Variants in CSGALNACT1 observed in about 807,000 individuals in gnomAD.
CSGALNACT1 encodes beta4GalNAcT-1.
A neutral mutation model predicts 51.0 loss-of-function variants in CSGALNACT1; 52 were observed. The ratio of observed to expected loss-of-function variants is 1.02; its 90% CI spans 0.82 to 1.29. The LOEUF is 1.29. Ranked by LOEUF, CSGALNACT1 falls within the 50% of genes most tolerant of loss-of-function variation. CSGALNACT1 has a pLI of 0.00. For missense variants in CSGALNACT1, 935 were observed against 679.2 expected (o/e 1.38, Z -4.19); for synonymous variants, 341 against 254.4 (o/e 1.34, Z -3.24).
chr8:19,477,330 C>G lies in CSGALNACT1; in HGVS notation c.635-18688G>C, dbSNP rs1025839505. Among the ~76,000 whole-genome samples the G allele has an allele frequency of 2.6e-5, 4 of 152,278 alleles. No homozygotes were observed. In the East Asian group the frequency reaches 7.7e-4, roughly 29 times the overall value. ...TCCTCAGAAAAAAGTTCTGGGTCCA[C>G]TAAACACGTGGACAAATGGGTGGCT... On this transcript the variant is annotated intron_variant, in intron 4 of 9. Transcript: ENST00000454498.
chr8:19,497,107 T>C (rs2075626447), intron 4 of CSGALNACT1, among the ~76,000 whole-genome samples: 1 of 152,008 alleles, frequency 6.6e-6, no homozygotes, highest in Admixed American at 6.6e-5. Flanking sequence ...GACAGGAAAA[T>C]ACCCTAAGAC....
intron 6 of CSGALNACT1, among the ~76,000 whole-genome samples, chr8:19,421,310 G>C (rs780002265): frequency 1.3e-5 from 2 of 152,236 alleles, no homozygotes; most frequent in African/African-American, 2.4e-5. Context: ...GCCCCAGGCA[G>C]TGAAGCCAGG....
At chr8:19,492,279 G>A (rs1456653036) in intron 4 of CSGALNACT1, among the ~76,000 whole-genome samples, 1 of 152,180 alleles carries the variant, frequency 6.6e-6, no homozygotes, top group Non-Finnish European at 1.5e-5. Context: ...CTGGGACATA[G>A]TAGACATTTG....
intron 1 of CSGALNACT1, among the ~76,000 whole-genome samples, chr8:19,729,505 A>G (rs1340867056): frequency 1.3e-5 from 2 of 152,216 alleles, no homozygotes; most frequent in Non-Finnish European, 2.9e-5. Context: ...GTATTCAAAC[A>G]CAGACCGGAC....
At chr8:19,472,838 A>G (rs561373372) in intron 4 of CSGALNACT1, among the ~76,000 whole-genome samples, 14 of 152,336 alleles carry the variant, frequency 9.2e-5, no homozygotes, top group African/African-American at 3.4e-4. Context: ...ATTGATATCA[A>G]TTTCTTTATA....
At chr8:19,634,787 C>T (rs1034357374) in intron 1 of CSGALNACT1, among the ~76,000 whole-genome samples, 14 of 152,336 alleles carry the variant, frequency 9.2e-5, no homozygotes, top group South Asian at 2.1e-4. Flanking sequence ...AAGTGGCGCA[C>T]GCCTTCATCT....
upstream of CSGALNACT1, among the ~76,000 whole-genome samples, chr8:19,603,047 T>TACACACACACACACACAC (rs5889877): frequency 1.6e-5 from 2 of 123,126 alleles, no homozygotes; most frequent in African/African-American, 6.2e-5. Context: ...ACTGTGTGTA[T>TACACACACACACACACAC]ACACACACAC....
At chr8:19,459,307 C>T (rs1168605799) in intron 4 of CSGALNACT1, among the ~76,000 whole-genome samples, 2 of 141,914 alleles carry the variant, frequency 1.4e-5, no homozygotes, top group East Asian at 2.2e-4. Context: ...CGCTTGAACT[C>T]GGGAGGCAGA....
chr8:19,404,781 T>G (rs537338293), exon 10 of CSGALNACT1: 1 of 454,560 alleles, frequency 2.2e-6, no homozygotes, highest in East Asian at 6.9e-5. Context: ...GACTTTTAGG[T>G]ACATCACGAT....
At chr8:19,637,824 A>G (rs1407472878) in intron 1 of CSGALNACT1, among the ~76,000 whole-genome samples, 1 of 150,408 alleles carries the variant, frequency 6.6e-6, no homozygotes, top group African/African-American at 2.5e-5. Flanking sequence ...AATGTTCTCG[A>G]AATCAGCCTG....
intron 4 of CSGALNACT1, among the ~76,000 whole-genome samples, chr8:19,468,220 C>T (rs955463293): frequency 2.0e-5 from 3 of 152,014 alleles, no homozygotes; most frequent in African/African-American, 7.3e-5. Context: ...TTGGCCAAGA[C>T]AACAACATCA....
At chr8:19,583,924 G>A (rs1437666726) in intron 3 of CSGALNACT1, among the ~76,000 whole-genome samples, 1 of 152,164 alleles carries the variant, frequency 6.6e-6, no homozygotes, top group Non-Finnish European at 1.5e-5. Context: ...GCTGAATACT[G>A]ACAGCCATCA....
chr8:19,656,938 T>C (rs1339795316), intron 1 of CSGALNACT1, among the ~76,000 whole-genome samples: 1 of 151,808 alleles, frequency 6.6e-6, no homozygotes, highest in East Asian at 1.9e-4. Context: ...TGGTGGCACA[T>C]GCCTGTAGTC....
At chr8:19,690,194 C>T (rs2154214716) in intron 1 of CSGALNACT1, among the ~76,000 whole-genome samples, 1 of 152,284 alleles carries the variant, frequency 6.6e-6, no homozygotes, top group African/African-American at 2.4e-5. Context: ...ACAATTAATA[C>T]ATGAATACTT....
chr8:19,424,026 G>A (rs1328505049), intron 6 of CSGALNACT1, among the ~76,000 whole-genome samples: 4 of 152,258 alleles, frequency 2.6e-5, no homozygotes, highest in Middle Eastern at 3.4e-3. Flanking sequence ...ACTCTGCCCT[G>A]ATCTAGCTTT....
intron 1 of CSGALNACT1, among the ~76,000 whole-genome samples, chr8:19,731,607 C>G (rs1440229748): frequency 6.6e-6 from 1 of 152,194 alleles, no homozygotes; most frequent in Non-Finnish European, 1.5e-5. Flanking sequence ...ATCTTGAACA[C>G]AACACCTCCA....
intron 8 of CSGALNACT1, among the ~76,000 whole-genome samples, chr8:19,414,313 G>A (rs1243279107): frequency 6.6e-6 from 1 of 151,944 alleles, no homozygotes; most frequent in Non-Finnish European, 1.5e-5. Context: ...GGGAGGGAAG[G>A]AGGCTTAAGA....
intron 6 of CSGALNACT1, among the ~76,000 whole-genome samples, chr8:19,431,017 T>C (rs879473878): frequency 2.6e-5 from 4 of 152,182 alleles, no homozygotes; most frequent in Non-Finnish European, 4.4e-5. Flanking sequence ...TTAACCTTTG[T>C]ATATTGATCT....
At position 19,734,753 on chromosome 8, in the gene CSGALNACT1, T is replaced by C. The variant is rs193093054; in HGVS notation, c.-297+23097A>G. The stretch of plus-strand genomic sequence containing the variant: ...ATTGCCAGTAATATGGCAGACCGGA[T>C]AGCTGAAGAAAACCTGTACAAAATA... On this transcript the variant is annotated intron_variant, in intron 1 of 1. Coordinates refer to the CSGALNACT1 transcript ENST00000517494. Among the ~76,000 whole-genome samples the C allele has an allele frequency of 9.0e-4, 137 of 152,262 alleles. 2 individuals are homozygous for C. Among genetic ancestry groups the C allele is most frequent in the Non-Finnish European group, 7.3e-5 (5 of 68,032 alleles).
Sources: allele counts gnomAD v4.1 joint callset (sites outside exome capture counted in the v4.1 genomes callset), GRCh38; gene constraint gnomAD v4.1.1; transcripts MANE v1.5; gene names NCBI Gene and HGNC (gene_info 2026-07-23, HGNC 2026-07-21).